The following EMC8 variants were observed in gnomAD, a reference collection of about 807,000 sequenced individuals.
The protein encoded by EMC8 is COX4 neighbor.
Under a neutral mutation model 24.3 loss-of-function variants are expected in EMC8, and 11 were observed. That is an observed-to-expected ratio of 0.45 (90% CI 0.28 to 0.75). The LOEUF (loss-of-function observed/expected upper bound fraction) is 0.75, where lower values mean the gene tolerates loss of function less well. Among genes scored for constraint, EMC8 ranks in the 30% least tolerant of loss-of-function variants. The probability of loss-of-function intolerance (pLI) is 0.12; values close to 1 mark genes in which losing one functional copy is unlikely to be tolerated. For missense variants in EMC8, 277 were observed against 282.7 expected, an observed-to-expected ratio of 0.98 and a Z score of 0.14; for synonymous variants, 145 against 117.7, an observed-to-expected ratio of 1.23 and a Z score of -1.50.
intron 1 of EMC8, chr16:85,798,636 A>T (rs1905395173): frequency 5.9e-6 from 1 of 168,954 alleles, no homozygotes; most frequent in Admixed American, 6.1e-5. Flanking sequence ...AGAAGCATTT[A>T]CACTTTGCCA....
chr16:85,794,005 C>T (rs1306796524), intron 1 of EMC8, among the ~76,000 whole-genome samples: 1 of 152,098 alleles, frequency 6.6e-6, no homozygotes. Flanking sequence ...CTAATGTTGT[C>T]CTTTGATAGA....
At position 85,779,025 on chromosome 16, in the gene EMC8, A is replaced by C. The variant is rs11540417; in HGVS notation, c.*683T>G. Reference sequence around the variant, plus strand: ...GGCACGTGAGCTTTCTGCGTGGCTGAAGAGCACCACACTGAGCTCCTGCTA... The same window carrying C: ...GGCACGTGAGCTTTCTGCGTGGCTGCAGAGCACCACACTGAGCTCCTGCTA... On this transcript the variant is annotated 3_prime_UTR_variant, in exon 5 of 5. Transcript: ENST00000253457. 0.08 allele frequency: 12,171 copies of C among 152,286 alleles called. 673 individuals carry two copies. The highest frequency in any genetic ancestry group is 0.33 in the East Asian group (1,713 of 5,158). 9.4% of individuals were successfully genotyped at this position (152,286 alleles called of 1,614,324 possible). A position where few individuals can be genotyped will look rare whatever the true frequency, so the allele number is the denominator to read the frequency against.
intron 1 of EMC8, among the ~76,000 whole-genome samples, chr16:85,793,173 A>G (rs1905087995): frequency 6.6e-6 from 1 of 152,218 alleles, no homozygotes. Context: ...GCACAGAGGC[A>G]GTAGCTTCTC....
rs772592237 is a variant in EMC8, at chr16:85,781,299, A to G, written c.309-19T>C. On this transcript the variant is annotated intron_variant, in intron 2 of 4. Transcript: ENST00000253457. The stretch of plus-strand genomic sequence containing the variant: ...GTTTGGACTGTCAAAGAAATAGGCT[A>G]CCACATTCCAGTTAATGCCATTCAA... 2.0e-5 allele frequency: 12 copies of G among 597,614 alleles called. No homozygotes were observed. The highest frequency in any genetic ancestry group is 2.9e-5 in the Non-Finnish European group (10 of 342,416). The allele number at this position is 597,614 out of a possible 1,614,324, so 37.0% of individuals were successfully genotyped here.
intron 1 of EMC8, among the ~76,000 whole-genome samples, chr16:85,796,391 G>A (rs1206952424): frequency 2.0e-5 from 3 of 151,872 alleles, no homozygotes; most frequent in Non-Finnish European, 4.4e-5. Context: ...CCCCTTCTCC[G>A]TACCCATGCT....
Position 85,779,085 on chromosome 16 carries a change from G to T in EMC8, c.*623C>A, listed in dbSNP as rs1045753458. 1.3e-5 allele frequency: 2 copies of T among 152,246 alleles called. No homozygotes were observed. The highest frequency in any genetic ancestry group is 4.8e-5 in the African/African-American group (2 of 41,444). 9.4% of individuals were successfully genotyped at this position (152,246 alleles called of 1,614,324 possible). A position where few individuals can be genotyped will look rare whatever the true frequency, so the allele number is the denominator to read the frequency against. On this transcript the variant is annotated 3_prime_UTR_variant, in exon 5 of 5. Transcript: ENST00000253457. The stretch of plus-strand genomic sequence containing the variant: ...TCTGCTTTTGCCCCTAACGATAAAG[G>T]CTTCTGTGGCATCAGTGGTGTCACT...
Position 85,779,881 on chromosome 16 carries a change from A to G in EMC8, c.474-14T>C, listed in dbSNP as rs1904406500. The G allele has an allele frequency of 1.9e-6, 3 of 1,613,366 alleles. No individual in the cohort carries two copies. Among genetic ancestry groups the G allele is most frequent in the Non-Finnish European group, 2.5e-6 (3 of 1,179,526 alleles). On this transcript the variant is annotated splice_polypyrimidine_tract_variant and intron_variant, in intron 4 of 4. Coordinates refer to ENST00000253457, the MANE Select transcript of EMC8 (RefSeq NM_006067.5). ...TCACAGTAGTCACTACGGGTCAAAC[A>G]TGAAGAAGTCAGCATCTAACAGTGA...
At chr16:85,792,060 C>A (rs1905036374) in intron 1 of EMC8, among the ~76,000 whole-genome samples, 1 of 152,220 alleles carries the variant, frequency 6.6e-6, no homozygotes. Context: ...CAGCAGCAGT[C>A]TCAGTTGGCT....
chr16:85,785,042 G>A (rs776509816), intron 2 of EMC8: 5 of 152,320 alleles, frequency 3.3e-5, no homozygotes, highest in Middle Eastern at 3.4e-3. Context: ...CAACTGCCCA[G>A]GCTCAAGTGA....
chr16:85,797,383 G>C (rs1168943490), intron 1 of EMC8, among the ~76,000 whole-genome samples: 3 of 152,136 alleles, frequency 2.0e-5, no homozygotes, highest in African/African-American at 7.2e-5. Context: ...ACTCCAGGCT[G>C]GGTGACAAGA....
rs1299636383 is a variant in EMC8 at position 85,781,133 on chromosome 16, G to C, written c.378+78C>G. ...AATGAGTGAAGGGGTTAGCGGAAAG[G>C]AAACCGCCGCAGAGCAAGCTCCAGG... On this transcript the variant is annotated intron_variant, in intron 3 of 4. Transcript: ENST00000253457. The C allele has an allele frequency of 5.8e-6, 6 of 1,041,142 alleles. No individual in the cohort carries two copies. The East Asian group carries it at 1.4e-4, about 25-fold the overall frequency. The allele number at this position is 1,041,142 out of a possible 1,614,324, so 64.5% of individuals were successfully genotyped here. A position where few individuals can be genotyped will look rare whatever the true frequency, so the allele number is the denominator to read the frequency against.
rs1904404991 is a variant in EMC8, at chr16:85,779,852, G to C, written c.489C>G (p.Asp163Glu). ...CTGAGATCCTCTGTGCCTCTGGCCAGTCTTCACAGTAGTCACTACGGGTCA... is the reference window on the plus strand; with the variant it reads ...CTGAGATCCTCTGTGCCTCTGGCCACTCTTCACAGTAGTCACTACGGGTCA... ...CRDPHHDYCEDWPEAQRISAS... is the reference protein window; with the variant it reads ...CRDPHHDYCEEWPEAQRISAS... The change falls in exon 5 of 5, where the codon GAC becomes GAG. Residue 163 changes from aspartate to glutamate, a missense_variant. By Grantham distance (45) the Asp-to-Glu change is conservative. Transcript: ENST00000253457. 6.2e-7 allele frequency: 1 copy of C among 1,614,106 alleles called. No individual in the cohort carries two copies. Among genetic ancestry groups the C allele is most frequent in the Non-Finnish European group, 8.5e-7 (1 of 1,180,004 alleles).
intron 1 of EMC8, among the ~76,000 whole-genome samples, chr16:85,793,470 G>A (rs1329686944): frequency 2.0e-5 from 3 of 152,196 alleles, no homozygotes; most frequent in Non-Finnish European, 2.9e-5. Context: ...CAATGGGACC[G>A]AGATAGAGGG....
chr16:85,779,743 G>C lies in EMC8; in HGVS notation c.598C>G (p.Pro200Ala). ...LDDIRNDWTN[P>A]EINKAVLHLC is the part of the protein sequence containing the mutation. Reference sequence around the variant, plus strand: ...TGTAGGACAGCTTTATTGATCTCTGGGTTTGTCCAGTCATTCCGAATGTCA... The same window carrying C: ...TGTAGGACAGCTTTATTGATCTCTGCGTTTGTCCAGTCATTCCGAATGTCA... The change falls in exon 5 of 5, where the codon CCA (proline) becomes GCA (alanine). Residue 200 changes from proline (P) to alanine (A), a missense_variant. Pro to Ala is a conservative substitution (Grantham distance 27, BLOSUM62 -1). Coordinates refer to ENST00000253457, the MANE Select transcript of EMC8 (RefSeq NM_006067.5). 2 of 1,614,180 alleles carry C rather than the reference G, an allele frequency of 1.2e-6. No individual in the cohort carries two copies. The highest frequency in any genetic ancestry group is 2.2e-5 in the East Asian group (1 of 44,890).
intron 2 of EMC8, chr16:85,784,730 C>A (rs976049562): frequency 1.7e-4 from 26 of 152,042 alleles, no homozygotes; most frequent in African/African-American, 5.8e-4. Flanking sequence ...CCTCAGGAGG[C>A]CTGCCCATGT....
At chr16:85,798,051 A>G (rs914410842) in intron 1 of EMC8, among the ~76,000 whole-genome samples, 1 of 152,124 alleles carries the variant, frequency 6.6e-6, no homozygotes, top group African/African-American at 2.4e-5. Context: ...GTCATTGCAA[A>G]CAAAAACATA....
At chr16:85,783,475 G>C (rs540459573) in intron 2 of EMC8, among the ~76,000 whole-genome samples, 9 of 152,254 alleles carry the variant, frequency 5.9e-5, no homozygotes, top group South Asian at 2.1e-4. Flanking sequence ...CTTCTTATCC[G>C]ATGTAACCTG....
In EMC8 at chr16:85,779,628, ATATTT is replaced by A. The variant is rs1904394703; in HGVS notation, c.*75_*79del. 4.9e-6 allele frequency: 7 copies of A among 1,439,318 alleles called. No individual in the cohort carries two copies. The highest frequency in any genetic ancestry group is 6.8e-6 in the Non-Finnish European group (7 of 1,028,880). The allele number at this position is 1,439,318 out of a possible 1,614,324, so 89.2% of individuals were successfully genotyped here. A position where few individuals can be genotyped will look rare whatever the true frequency, so the allele number is the denominator to read the frequency against. On this transcript the variant is annotated 3_prime_UTR_variant, in exon 5 of 5. Coordinates refer to ENST00000253457, the MANE Select transcript of EMC8 (RefSeq NM_006067.5). ...GTCAGCTTTCCACACAGGCTACAAG[ATATTT>A]TATTTACATTTAAAAATAGGTTTTC...
rs766713116 is a variant in EMC8, at chr16:85,781,191, G to A, written c.378+20C>T. The A allele has an allele frequency of 6.2e-6, 10 of 1,605,584 alleles. No homozygotes were observed. The highest frequency in any genetic ancestry group is 8.5e-6 in the Non-Finnish European group (10 of 1,172,404). On this transcript the variant is annotated intron_variant, in intron 3 of 4. Coordinates refer to ENST00000253457, the MANE Select transcript of EMC8 (RefSeq NM_006067.5). ...GAGGAGGCGCAAGGGCCTCCCACAT[G>A]CTGCACAGAAGCGACTTACCATGAT...
Sources: gnomAD v4.1 joint callset for allele counts (sites outside exome capture counted in the v4.1 genomes callset) on GRCh38, gnomAD v4.1.1 for gene constraint, MANE v1.5 for transcripts, NCBI Gene and HGNC (gene_info 2026-07-23, HGNC 2026-07-21) for gene names.